PDE1A: variants seen among roughly 807,000 people sequenced by gnomAD.
PDE1A encodes the protein phosphodiesterase 1A.
A neutral mutation model predicts 61.7 loss-of-function variants in PDE1A; 35 were observed. The ratio of observed to expected loss-of-function variants is 0.57; its 90% CI spans 0.43 to 0.75. PDE1A has a LOEUF of 0.75. PDE1A is among the 30% of genes least tolerant of loss of function. The pLI is 0.00. For synonymous variants in PDE1A, 232 were observed against 213.2 expected (o/e 1.09, Z -0.77); for missense variants, 597 against 630.6 (o/e 0.95, Z 0.57).
the PDE1A span, among the ~76,000 whole-genome samples, chr2:182,542,515 A>G: frequency 6.6e-6 from 1 of 152,206 alleles, no homozygotes; most frequent in Admixed American, 6.5e-5. Context: ...TACATATAGT[A>G]TCTAATATAT....
At chr2:182,331,271 T>G (rs1167818443) in intron 1 of PDE1A, among the ~76,000 whole-genome samples, 1 of 152,212 alleles carries the variant, frequency 6.6e-6, no homozygotes, top group African/African-American at 2.4e-5. Context: ...AAGGAGATTT[T>G]TAAAAGTCCC....
At chr2:182,381,186 T>A (rs1684198785) in intron 1 of PDE1A, among the ~76,000 whole-genome samples, 1 of 152,172 alleles carries the variant, frequency 6.6e-6, no homozygotes, top group South Asian at 2.1e-4. Context: ...TTTTTTTTTT[T>A]TACATTTCTC....
At chr2:182,460,313 C>T (rs745688013) in intron 2 of PDE1A, among the ~76,000 whole-genome samples, 1 of 152,230 alleles carries the variant, frequency 6.6e-6, no homozygotes, top group African/African-American at 2.4e-5. Context: ...ACAGGTCAAG[C>T]CTCACTTCCC....
At chr2:182,707,604 T>A in the PDE1A span, among the ~76,000 whole-genome samples, 1 of 152,132 alleles carries the variant, frequency 6.6e-6, no homozygotes, top group Non-Finnish European at 1.5e-5. Flanking sequence ...ATCTGAATGG[T>A]CCTATATCTA....
At chr2:182,560,188 T>C in the PDE1A span, among the ~76,000 whole-genome samples, 6 of 151,658 alleles carry the variant, frequency 4.0e-5, no homozygotes, top group African/African-American at 9.7e-5. Context: ...GCATTATGTG[T>C]ATTTCCTAAT....
intron 2 of PDE1A, among the ~76,000 whole-genome samples, chr2:182,245,336 G>A (rs1433819819): frequency 1.3e-5 from 2 of 152,112 alleles, no homozygotes; most frequent in African/African-American, 4.8e-5. Flanking sequence ...ATGAGCCAAT[G>A]TTAATACATA....
intron 2 of PDE1A, among the ~76,000 whole-genome samples, chr2:182,446,817 C>T (rs1427716083): frequency 6.6e-6 from 1 of 151,928 alleles, no homozygotes; most frequent in Non-Finnish European, 1.5e-5. Flanking sequence ...AGCTCCTCAT[C>T]TAACAAGGTA....
intron 1 of PDE1A, among the ~76,000 whole-genome samples, chr2:182,373,547 C>T (rs1367187093): frequency 6.6e-6 from 1 of 152,130 alleles, no homozygotes; most frequent in Non-Finnish European, 1.5e-5. Context: ...TTAAAGTTCT[C>T]ACACAGCTGA....
chr2:182,179,214 A>G (rs2125362916), intron 13 of PDE1A, among the ~76,000 whole-genome samples: 1 of 152,348 alleles, frequency 6.6e-6, no homozygotes, highest in East Asian at 1.9e-4. Flanking sequence ...TGATATGTAC[A>G]GACTTAAACA....
intron 10 of PDE1A, among the ~76,000 whole-genome samples, chr2:182,193,149 A>C (rs1685854552): frequency 6.6e-6 from 1 of 151,738 alleles, no homozygotes. Context: ...CACCATGCCC[A>C]GCTAATTTTT....
the PDE1A span, among the ~76,000 whole-genome samples, chr2:182,704,765 T>C: frequency 2.6e-5 from 4 of 152,234 alleles, no homozygotes; most frequent in African/African-American, 9.6e-5. Flanking sequence ...CTACATTCAA[T>C]CTACTGTGGT....
downstream of PDE1A, among the ~76,000 whole-genome samples, chr2:182,163,896 C>T (rs1691515289): frequency 6.6e-6 from 1 of 152,138 alleles, no homozygotes; most frequent in Non-Finnish European, 1.5e-5. Flanking sequence ...GATAGGTATG[C>T]TGTTTGGAGT....
At chr2:182,437,355 A>C (rs1207878722) in intron 2 of PDE1A, among the ~76,000 whole-genome samples, 1 of 151,966 alleles carries the variant, frequency 6.6e-6, no homozygotes, top group Non-Finnish European at 1.5e-5. Context: ...CAAACCGTAA[A>C]AATAATTAAT....
At chr2:182,290,417 G>C (rs1013817868) in intron 1 of PDE1A, among the ~76,000 whole-genome samples, 4 of 152,050 alleles carry the variant, frequency 2.6e-5, no homozygotes, top group African/African-American at 9.7e-5. Context: ...CAACCTTACG[G>C]CTATTGTCTA....
intron 2 of PDE1A, among the ~76,000 whole-genome samples, chr2:182,465,334 A>G (rs1442572412): frequency 2.0e-5 from 3 of 152,142 alleles, no homozygotes; most frequent in Non-Finnish European, 2.9e-5. Context: ...AAACATGCAT[A>G]CAAAAGAATT....
intron 2 of PDE1A, among the ~76,000 whole-genome samples, chr2:182,450,822 G>A (rs931357638): frequency 2.0e-5 from 3 of 151,892 alleles, no homozygotes; most frequent in Admixed American, 2.0e-4. Context: ...AAAAATTAAT[G>A]TATACTGACT....
upstream of PDE1A, among the ~76,000 whole-genome samples, chr2:182,526,526 A>G (rs564848963): frequency 4.1e-4 from 62 of 152,336 alleles, no homozygotes; most frequent in African/African-American, 1.5e-3. Context: ...AGTGTGGCCA[A>G]GAGATACCTG....
intron 6 of PDE1A, among the ~76,000 whole-genome samples, chr2:182,225,557 C>T (rs919372547): frequency 3.3e-5 from 5 of 151,902 alleles, no homozygotes; most frequent in Admixed American, 6.6e-5. Context: ...ACCATGGAAT[C>T]AGTCCTGGTT....
chr2:182,217,385 A>G (rs1688284747), intron 7 of PDE1A, among the ~76,000 whole-genome samples: 7 of 56,754 alleles, frequency 1.2e-4, no homozygotes, highest in East Asian at 1.6e-3. Flanking sequence ...AAAACACCAA[A>G]AGCAATGGCA....
Sources: allele counts gnomAD v4.1 joint callset (sites outside exome capture counted in the v4.1 genomes callset), GRCh38; gene constraint gnomAD v4.1.1; transcripts MANE v1.5; gene names NCBI Gene and HGNC (gene_info 2026-07-23, HGNC 2026-07-21).